Variants in DNAJC6 observed in about 807,000 individuals in gnomAD.
DNAJC6 encodes DnaJ heat shock protein family (Hsp40) member C6, also known as auxilin.
Under a neutral mutation model 110.0 loss-of-function variants are expected in DNAJC6, and 34 were observed. The observed-to-expected ratio is 0.31, with a 90% CI of 0.24 to 0.41. DNAJC6 has a LOEUF of 0.41. Ranked by LOEUF, DNAJC6 falls within the 10% of genes least tolerant of loss-of-function variation. The probability of loss-of-function intolerance (pLI) is 1.00; values close to 1 mark genes in which losing one functional copy is unlikely to be tolerated. For missense variants in DNAJC6, 1,031 were observed against 1,207.8 expected (o/e 0.85, Z 2.17); for synonymous variants, 406 against 437.2 (o/e 0.93, Z 0.89).
At position 65,322,855 on chromosome 1, in the gene DNAJC6, G is replaced by A. The variant is rs577196706; in HGVS notation, c.193+12917G>A. Among the ~76,000 whole-genome samples, 21 of 152,270 alleles carry A rather than the reference G, an allele frequency of 1.4e-4. 1 individual carries two copies. In the South Asian group the frequency reaches 4.3e-3, roughly 32 times the overall value. On this transcript the variant is annotated intron_variant, in intron 1 of 18. Coordinates refer to ENST00000371069, the MANE Select transcript of DNAJC6 (RefSeq NM_001256864.2). ...ACTGGCATTAAAGGTTGATATTTCT[G>A]TGAATTATTTTTGTTTTCAGAAATT...
At position 65,406,153 on chromosome 1, in the gene DNAJC6, A is replaced by T; in HGVS notation, c.2491+20A>T. 6.2e-7 allele frequency: 1 copy of T among 1,603,234 alleles called. No homozygotes were observed. The highest frequency in any genetic ancestry group is 8.5e-7 in the Non-Finnish European group (1 of 1,173,192). On this transcript the variant is annotated intron_variant, in intron 16 of 18. Coordinates refer to ENST00000371069, the MANE Select transcript of DNAJC6 (RefSeq NM_001256864.2). Reference sequence around the variant, plus strand: ...ATTTGGGTAAGGATAATGGTATGGGACCTAGCTATGGGGCAGCCTGTCTAT... The same window carrying T: ...ATTTGGGTAAGGATAATGGTATGGGTCCTAGCTATGGGGCAGCCTGTCTAT...
chr1:65,312,090 A>C (rs1168287006), intron 1 of DNAJC6, among the ~76,000 whole-genome samples: 1 of 152,200 alleles, frequency 6.6e-6, no homozygotes, highest in Non-Finnish European at 1.5e-5. Context: ...GTGATGGGAA[A>C]GTGTTTCATT....
At chr1:65,371,649 C>A (rs962908112) in intron 4 of DNAJC6, among the ~76,000 whole-genome samples, 1 of 152,092 alleles carries the variant, frequency 6.6e-6, no homozygotes, top group African/African-American at 2.4e-5. Flanking sequence ...CTGTCTTGGG[C>A]AAGGGATGAT....
At position 65,401,821 on chromosome 1, in the gene DNAJC6, C is replaced by T. The variant is rs1187102378; in HGVS notation, c.2168C>T (p.Thr723Ile). The T allele has an allele frequency of 1.2e-6, 2 of 1,614,010 alleles. No individual in the cohort carries two copies. The highest frequency in any genetic ancestry group is 2.2e-5 in the East Asian group (1 of 44,852). Reference sequence around the variant, plus strand: ...AGCCCAACCGGATCCTCGCATGGTACTCCCACCCATCAAAGCAAACCCCAG... The same window carrying T: ...AGCCCAACCGGATCCTCGCATGGTATTCCCACCCATCAAAGCAAACCCCAG... ...ATSPTGSSHG[T>I]PTHQSKPQTL... Residue 723 changes from threonine to isoleucine, a missense_variant, in exon 15 of 19, where the codon ACT (threonine) becomes ATT (isoleucine). Thr to Ile is a moderately conservative substitution (Grantham distance 89). Transcript: ENST00000371069.
intron 1 of DNAJC6, among the ~76,000 whole-genome samples, chr1:65,320,721 G>T (rs868285679): frequency 2.6e-5 from 4 of 152,154 alleles, no homozygotes; most frequent in Non-Finnish European, 5.9e-5. Context: ...TAGTGCATGA[G>T]CAGTGAACAA....
At chr1:65,407,830 TAG>T (rs1407996586) in intron 16 of DNAJC6, among the ~76,000 whole-genome samples, 8 of 152,230 alleles carry the variant, frequency 5.3e-5, no homozygotes, top group Non-Finnish European at 8.8e-5. Context: ...TCTTACAGTA[TAG>T]AGATAGCAAA....
At chr1:65,291,004 CA>C (rs1366713526) in intron 1 of DNAJC6, among the ~76,000 whole-genome samples, 1 of 152,140 alleles carries the variant, frequency 6.6e-6, no homozygotes, top group Non-Finnish European at 1.5e-5. Flanking sequence ...CTAGATAAAG[CA>C]AACTTGCAAA....
In DNAJC6 at chr1:65,413,071, G is replaced by A; in HGVS notation, c.*46G>A. 6.4e-7 allele frequency: 1 copy of A among 1,553,164 alleles called. No homozygotes were observed. Among genetic ancestry groups the A allele is most frequent in the Non-Finnish European group, 8.8e-7 (1 of 1,132,680 alleles). On this transcript the variant is annotated 3_prime_UTR_variant, in exon 19 of 19. Transcript: ENST00000371069. The stretch of plus-strand genomic sequence containing the variant: ...TGCTGCAGACCTGTGCTAATGCTTA[G>A]TGTGTGTCACAATTCTGAGGTTTTC...
At chr1:65,265,924 CCTTT>C (rs1653307842) in intron 1 of DNAJC6, among the ~76,000 whole-genome samples, 1 of 152,258 alleles carries the variant, frequency 6.6e-6, no homozygotes, top group African/African-American at 2.4e-5. Context: ...CGCCGGCCCC[CCTTT>C]CTTTTCACCC....
chr1:65,352,825 TCTTAGAGCTGCATATGCATAACAAGCACA>T (rs1442552645), intron 1 of DNAJC6, among the ~76,000 whole-genome samples: 5 of 152,166 alleles, frequency 3.3e-5, no homozygotes, highest in African/African-American at 1.2e-4. Context: ...AGAAAACGCT[TCTTAGAGCTGCATATGCATAACAAGCACA>T]CTGGTTTTCT....
intron 1 of DNAJC6, among the ~76,000 whole-genome samples, chr1:65,352,851 C>T (rs1304742589): frequency 6.6e-6 from 1 of 152,150 alleles, no homozygotes; most frequent in Non-Finnish European, 1.5e-5. Context: ...GCATAACAAG[C>T]ACACTGGTTT....
chr1:65,267,501 C>T (rs543886173), intron 1 of DNAJC6, among the ~76,000 whole-genome samples: 2 of 151,596 alleles, frequency 1.3e-5, no homozygotes, highest in East Asian at 3.9e-4. Flanking sequence ...CCTGAAACTT[C>T]TGTTATAGAT....
chr1:65,282,812 A>G (rs1653895058), intron 1 of DNAJC6, among the ~76,000 whole-genome samples: 1 of 152,192 alleles, frequency 6.6e-6, no homozygotes, highest in Non-Finnish European at 1.5e-5. Flanking sequence ...AAAGAAGAAC[A>G]ATATCAGAGT....
At chr1:65,312,361 C>G (rs1163783277) in intron 1 of DNAJC6, among the ~76,000 whole-genome samples, 1 of 152,202 alleles carries the variant, frequency 6.6e-6, no homozygotes, top group Non-Finnish European at 1.5e-5. Flanking sequence ...GATTCTTTTA[C>G]TAGTACAACT....
chr1:65,321,271 G>A lies in DNAJC6; in HGVS notation c.193+11333G>A, dbSNP rs547328403. Among the ~76,000 whole-genome samples, 8 of 152,286 alleles carry A rather than the reference G, an allele frequency of 5.3e-5. No homozygotes were observed. The East Asian group carries it at 1.5e-3, about 29-fold the overall frequency. On this transcript the variant is annotated intron_variant, in intron 1 of 18. Coordinates refer to ENST00000371069, the MANE Select transcript of DNAJC6 (RefSeq NM_001256864.2). ...GCTGGAATGCAGTGGTGCAATCATA[G>A]CTCACTGCTGCCTCGAATTCCTGGG...
chr1:65,364,362 G>A (rs774863815), intron 1 of DNAJC6, among the ~76,000 whole-genome samples: 4 of 151,812 alleles, frequency 2.6e-5, no homozygotes, highest in Non-Finnish European at 5.9e-5. Context: ...TATTTCAGGC[G>A]CTCAATTGTT....
rs994460475 is a variant in DNAJC6, at chr1:65,414,978, T to C, written c.*1953T>C. 2.0e-5 allele frequency: 3 copies of C among 152,446 alleles called. No homozygotes were observed. The highest frequency in any genetic ancestry group is 7.2e-5 in the African/African-American group (3 of 41,458). 9.4% of individuals were successfully genotyped at this position (152,446 alleles called of 1,614,324 possible). On this transcript the variant is annotated 3_prime_UTR_variant, in exon 19 of 19. Transcript: ENST00000371069. ...TCAATGTTCACAGTTTAAAACATCA[T>C]TAAACATTATGTAATTACAATGAGA...
chr1:65,391,148 A>G (rs911277183), intron 11 of DNAJC6, among the ~76,000 whole-genome samples: 3 of 152,232 alleles, frequency 2.0e-5, no homozygotes, highest in African/African-American at 7.2e-5. Context: ...CTATAATCAA[A>G]CATATTAATA....
At chr1:65,364,132 G>A (rs939566905) in intron 1 of DNAJC6, among the ~76,000 whole-genome samples, 1 of 152,102 alleles carries the variant, frequency 6.6e-6, no homozygotes. Flanking sequence ...CACATACGTA[G>A]CTTAAAAATT....
Sources: gnomAD v4.1 joint callset for allele counts (sites outside exome capture counted in the v4.1 genomes callset) on GRCh38, gnomAD v4.1.1 for gene constraint, MANE v1.5 for transcripts, NCBI Gene and HGNC (gene_info 2026-07-23, HGNC 2026-07-21) for gene names.